The following DRC8 variants were observed in gnomAD, a reference collection of about 807,000 sequenced individuals.
DRC8 encodes the protein dynein regulatory complex protein 8.
At chr1:245,003,686 C>G in the DRC8 span, among the ~76,000 whole-genome samples, 1 of 152,148 alleles carries the variant, frequency 6.6e-6, no homozygotes, top group Admixed American at 6.5e-5. Flanking sequence ...ACCTCCTGGG[C>G]TCAAGTGATC....
the DRC8 span, among the ~76,000 whole-genome samples, chr1:244,990,428 T>A: frequency 8.0e-4 from 122 of 152,330 alleles, 1 homozygote; most frequent in African/African-American, 2.8e-3. Flanking sequence ...AGGCACCCAC[T>A]GCAGGTCTTG....
At chr1:245,030,380 A>G in the DRC8 span, among the ~76,000 whole-genome samples, 1 of 152,260 alleles carries the variant, frequency 6.6e-6, no homozygotes, top group Non-Finnish European at 1.5e-5. Context: ...AGAAGGTGTT[A>G]TAAGTAATCC....
chr1:244,970,271 C>A, the DRC8 span: 1 of 713,888 alleles, frequency 1.4e-6, no homozygotes, highest in Non-Finnish European at 2.5e-6. Context: ...GCCTCCTCCC[C>A]GCCCCGCCCC....
chr1:245,050,614 A>G, the DRC8 span, among the ~76,000 whole-genome samples: 802 of 152,322 alleles, frequency 5.3e-3, 3 homozygotes, highest in African/African-American at 0.018. Flanking sequence ...GAGTTAATGT[A>G]GGGATTACTG....
At chr1:245,112,840 G>A in the DRC8 span, among the ~76,000 whole-genome samples, 7 of 150,304 alleles carry the variant, frequency 4.7e-5, no homozygotes, top group South Asian at 4.2e-4. Flanking sequence ...TGCAGCCTCC[G>A]CCTCCTGAGT....
chr1:245,105,636 AAAC>A, the DRC8 span, among the ~76,000 whole-genome samples: 1 of 150,968 alleles, frequency 6.6e-6, no homozygotes, highest in Non-Finnish European at 1.5e-5. Context: ...AAAAAAAAAA[AAAC>A]AAAAAACAAA....
the DRC8 span, among the ~76,000 whole-genome samples, chr1:245,024,132 T>C: frequency 1.3e-5 from 2 of 152,098 alleles, no homozygotes; most frequent in East Asian, 1.9e-4. Flanking sequence ...ATTGTGCCAC[T>C]GCACTCCAGC....
the DRC8 span, among the ~76,000 whole-genome samples, chr1:245,045,952 A>C: frequency 6.6e-6 from 1 of 152,166 alleles, no homozygotes; most frequent in Non-Finnish European, 1.5e-5. Flanking sequence ...TTAGGCTGGA[A>C]AGTTAGGGTT....
the DRC8 span, among the ~76,000 whole-genome samples, chr1:244,979,276 G>A: frequency 6.9e-6 from 1 of 144,312 alleles, no homozygotes; most frequent in Admixed American, 6.9e-5. Context: ...TTCTGAAGGA[G>A]ATAACCGAAG....
At chr1:245,013,753 G>A in the DRC8 span, among the ~76,000 whole-genome samples, 122 of 152,156 alleles carry the variant, frequency 8.0e-4, no homozygotes, top group Middle Eastern at 0.01. Flanking sequence ...ACTCTGGGCC[G>A]GGCGCAGAGG....
the DRC8 span, among the ~76,000 whole-genome samples, chr1:245,068,244 G>A: frequency 1.3e-5 from 2 of 152,082 alleles, no homozygotes; most frequent in African/African-American, 4.8e-5. Flanking sequence ...CACGGCAATA[G>A]ACTAATAAAT....
the DRC8 span, among the ~76,000 whole-genome samples, chr1:245,075,372 G>A: frequency 6.6e-6 from 1 of 152,302 alleles, no homozygotes; most frequent in Non-Finnish European, 1.5e-5. Context: ...TTTGCCACAT[G>A]CTTTGAGGCT....
the DRC8 span, among the ~76,000 whole-genome samples, chr1:245,092,853 G>A: frequency 6.6e-6 from 1 of 152,090 alleles, no homozygotes; most frequent in African/African-American, 2.4e-5. Flanking sequence ...TTGTACCACT[G>A]CACTCAGCCT....
the DRC8 span, among the ~76,000 whole-genome samples, chr1:244,981,183 C>T: frequency 2.6e-5 from 4 of 151,722 alleles, no homozygotes; most frequent in Non-Finnish European, 5.9e-5. Flanking sequence ...GACTCTCTGT[C>T]CCCACCCCAC....
At chr1:244,980,116 G>A in the DRC8 span, among the ~76,000 whole-genome samples, 135 of 149,212 alleles carry the variant, frequency 9.0e-4, no homozygotes, top group African/African-American at 3.1e-3. Flanking sequence ...GTACTTGGGA[G>A]GCTGAGGCAG....
At chr1:244,998,260 G>A in the DRC8 span, among the ~76,000 whole-genome samples, 3 of 151,918 alleles carry the variant, frequency 2.0e-5, no homozygotes, top group Non-Finnish European at 4.4e-5. Flanking sequence ...CCAGGCTGGA[G>A]TACAGTGATG....
At chr1:245,090,944 T>C in the DRC8 span, 1 of 152,208 alleles carries the variant, frequency 6.6e-6, no homozygotes, top group Non-Finnish European at 1.5e-5. Flanking sequence ...TCTGGAAGGC[T>C]TCCTGACAGA....
the DRC8 span, chr1:245,087,556 A>G: frequency 1.4e-4 from 168 of 1,193,754 alleles, no homozygotes; most frequent in Non-Finnish European, 1.7e-4. Context: ...CAGAATGATA[A>G]ATTACTATTT....
chr1:245,092,880 C>A, the DRC8 span, among the ~76,000 whole-genome samples: 3 of 152,060 alleles, frequency 2.0e-5, no homozygotes, highest in African/African-American at 7.2e-5. Context: ...CAGAGAGAGA[C>A]CTTGTCTCAA....
Sources: gnomAD v4.1 joint callset for allele counts (sites outside exome capture counted in the v4.1 genomes callset) on GRCh38, gnomAD v4.1.1 for gene constraint, MANE v1.5 for transcripts, NCBI Gene and HGNC (gene_info 2026-07-23, HGNC 2026-07-21) for gene names.